The following SETD2 variants were observed in gnomAD, a reference collection of about 807,000 sequenced individuals.
SETD2 encodes histone-lysine N-methyltransferase SETD2.
A neutral mutation model predicts 242.1 loss-of-function variants in SETD2; 31 were observed. That is an observed-to-expected ratio of 0.13 (90% CI 0.10 to 0.17). The LOEUF (loss-of-function observed/expected upper bound fraction) is 0.17, where lower values mean the gene tolerates loss of function less well. SETD2 is among the 10% of genes least tolerant of loss of function. The pLI is 1.00. For synonymous variants in SETD2, 1,006 were observed against 1,066.5 expected (o/e 0.94, Z 1.11); for missense variants, 2,481 against 3,046.3 (o/e 0.81, Z 4.37).
At chr3:47,158,558 TTTC>T (rs1697386407) in intron 1 of SETD2, among the ~76,000 whole-genome samples, 1 of 152,218 alleles carries the variant, frequency 6.6e-6, no homozygotes. Context: ...TCCTTATGAT[TTTC>T]TTAATAACAT....
intron 3 of SETD2, 62 bp downstream of exon 3, chr3:47,120,120 A>G: frequency 1.5e-6 from 2 of 1,311,810 alleles, no homozygotes; most frequent in Non-Finnish European, 2.1e-6. Context: ...AATTGTTTAA[A>G]GGCTTTTTCT....
intron 1 of SETD2, among the ~76,000 whole-genome samples, chr3:47,160,402 G>C (rs570915236): frequency 6.6e-6 from 1 of 151,744 alleles, no homozygotes; most frequent in South Asian, 2.1e-4. Flanking sequence ...CCAGGTTCAA[G>C]CAATTCTCCT....
chr3:47,120,438 C>T lies in SETD2; in HGVS notation c.4198G>A (p.Asp1400Asn), dbSNP rs1325494277. The part of the protein sequence containing the change: ...SKNLEKNDIK[D>N]RGPLKKRRQE... ...CTCCTTTTTTTAAGAGGCCCTCTAT[C>T]TTTGATATCATTTTTTTCTAAGTTT... is the stretch of plus-strand genomic sequence containing the variant. The change falls in exon 3 of 21, where the codon GAT becomes AAT. Residue 1400 changes from aspartate (D) to asparagine (N), a missense_variant. Around this residue, in one of 17 missense-constraint regions of SETD2, gnomAD observed 1,300 missense variants for 1,259.2 expected, o/e 1.03. Transcript: ENST00000409792. 3 of 1,613,242 alleles carry T rather than the reference C, an allele frequency of 1.9e-6. No individual in the cohort carries two copies. The highest frequency in any genetic ancestry group is 4.5e-5 in the East Asian group (2 of 44,886).
intron 12 of SETD2, among the ~76,000 whole-genome samples, chr3:47,075,803 C>T (rs1403321090): frequency 6.6e-6 from 1 of 152,134 alleles, no homozygotes; most frequent in African/African-American, 2.4e-5. Context: ...AACACCACCA[C>T]TTAACTTCAC....
chr3:47,123,292 C>T lies in SETD2; in HGVS notation c.1344G>A (p.Arg448=), dbSNP rs775613201. The change falls in exon 3 of 21, where the codon CGG becomes CGA. Residue 448 remains arginine, a synonymous_variant. Transcript: ENST00000409792. ...SPYRERTRYS[R]PYTDNRARES... ...CTCGTGCTCTGTTATCTGTGTATGGCCGAGAATAGCGCGTCCTCTCTCGAT... is the reference window on the plus strand; with the variant it reads ...CTCGTGCTCTGTTATCTGTGTATGGTCGAGAATAGCGCGTCCTCTCTCGAT... 46 of 1,551,756 alleles carry T rather than the reference C, an allele frequency of 3.0e-5. 1 individual carries two copies. The Admixed American group carries it at 8.4e-4, about 28-fold the overall frequency.
In SETD2 at chr3:47,042,603, C is replaced by G. The variant is rs752671469; in HGVS notation, c.7196G>C (p.Arg2399Pro). 6.2e-7 allele frequency: 1 copy of G among 1,613,992 alleles called. No homozygotes were observed. The highest frequency in any genetic ancestry group is 8.5e-7 in the Non-Finnish European group (1 of 1,179,964). Residue 2399 changes from arginine (R) to proline (P), a missense_variant, in exon 17 of 21, where the codon CGA becomes CCA. Transcript: ENST00000409792. ...IVLPPNWKTA[R>P]DPEGKIYYYH... ...GTAATAAATCTTCCCTTCTGGATCT[C>G]GAGCTGTCTTCCAGTTGGGAGGTAA...
rs377115716 is a variant in SETD2 at position 47,083,908 on chromosome 3, C to T, written c.5872G>A (p.Ala1958Thr). 3.0e-5 allele frequency: 49 copies of T among 1,614,026 alleles called. No individual in the cohort carries two copies. In the African/African-American group the frequency reaches 3.6e-4, roughly 12 times the overall value. Reference sequence around the variant, plus strand: ...TTGCTCTCTTTGGGCTCTATTTCAGCGTCAGCTTCTGGTTCAGATGTAGGT... The same window carrying T: ...TTGCTCTCTTTGGGCTCTATTTCAGTGTCAGCTTCTGGTTCAGATGTAGGT... ...KLPTSEPEAD[A>T]EIEPKESNGT... Residue 1958 changes from alanine to threonine, a missense_variant, in exon 12 of 21, where the codon GCT becomes ACT. Ala to Thr is a moderately conservative substitution (Grantham distance 58, BLOSUM62 0). Transcript: ENST00000409792.
chr3:47,083,659 G>A, intron 12 of SETD2, 61 bp downstream of exon 12: 1 of 1,482,478 alleles, frequency 6.7e-7, no homozygotes, highest in African/African-American at 1.4e-5. Context: ...ATTTTGCTTA[G>A]GTTTGTAGAA....
At chr3:47,096,587 A>T (rs1388132000) in intron 9 of SETD2, among the ~76,000 whole-genome samples, 1 of 41,084 alleles carries the variant, frequency 2.4e-5, no homozygotes, top group Non-Finnish European at 8.1e-5. Flanking sequence ...AAAAAAAAAA[A>T]AAAAAAAAAG....
In SETD2 at chr3:47,062,234, T is replaced by C; in HGVS notation, c.6222A>G (p.Lys2074=). 1 of 1,614,122 alleles carries C rather than the reference T, an allele frequency of 6.2e-7. No individual in the cohort carries two copies. Among genetic ancestry groups the C allele is most frequent in the Non-Finnish European group, 8.5e-7 (1 of 1,180,012 alleles). ...GTGAGAGGGAGCTTCTTCGTTTCCT[T>C]TTCTCTTTATTTTGAGTTTGCTTGT... is the stretch of plus-strand genomic sequence containing the variant. ...DPDKQTQNKE[K]RKRRSSLSPP... Residue 2074 remains lysine, a synonymous_variant, in exon 14 of 21, where the codon AAA becomes AAG. Transcript: ENST00000409792.
rs55972218 is a variant in SETD2 at position 47,022,193 on chromosome 3, TCACACACACACACACA to T, written c.7351-2369_7351-2354del. On this transcript the variant is annotated intron_variant, in intron 18 of 20. Coordinates refer to ENST00000409792, the MANE Select transcript of SETD2 (RefSeq NM_014159.7). ...GCCTGGGAGACAGAGCAACAATCTG[TCACACACACACACACA>T]CACACACACACACACACACACACAA... Among the ~76,000 whole-genome samples, 23 of 131,020 alleles carry T rather than the reference TCACACACACACACACA, an allele frequency of 1.8e-4. 1 individual carries two copies. The highest frequency in any genetic ancestry group is 4.1e-3 in the Middle Eastern group (1 of 246). The allele number at this position is 131,020 out of a possible 152,430, so 86.0% of individuals were successfully genotyped here. A position where few individuals can be genotyped will look rare whatever the true frequency, so the allele number is the denominator to read the frequency against.
intron 13 of SETD2, among the ~76,000 whole-genome samples, chr3:47,066,595 T>C (rs1394314046): frequency 6.6e-6 from 1 of 152,126 alleles, no homozygotes; most frequent in Middle Eastern, 3.2e-3. Context: ...GCAATCCACC[T>C]GCTTCAACTT....
At chr3:47,100,534 G>A (rs753970064) in intron 8 of SETD2, among the ~76,000 whole-genome samples, 9 of 152,020 alleles carry the variant, frequency 5.9e-5, no homozygotes, top group Non-Finnish European at 1.0e-4. Context: ...GATTACAGGC[G>A]TGACCCACTG....
chr3:47,125,652 G>GC (rs923357017), intron 2 of SETD2, among the ~76,000 whole-genome samples: 1 of 152,134 alleles, frequency 6.6e-6, no homozygotes, highest in African/African-American at 2.4e-5. Context: ...CTCTGCCTGG[G>GC]CCCCCCACCC....
chr3:47,116,600 G>GCCGAGTATTCTAATTTACA, intron 4 of SETD2, 23 bp downstream of exon 4: 1 of 1,595,400 alleles, frequency 6.3e-7, no homozygotes, highest in Non-Finnish European at 8.5e-7. Flanking sequence ...TTGAGCAAAA[G>GCCGAGTATTCTAATTTACA]CCGAGTATTC....
At chr3:47,063,534 G>A (rs2040430549) in intron 13 of SETD2, among the ~76,000 whole-genome samples, 1 of 152,032 alleles carries the variant, frequency 6.6e-6, no homozygotes, top group African/African-American at 2.4e-5. Context: ...ATTCAAAGAT[G>A]GTATTAATAA....
intron 15 of SETD2, among the ~76,000 whole-genome samples, chr3:47,051,564 A>G (rs916065357): frequency 6.6e-6 from 1 of 152,168 alleles, no homozygotes; most frequent in Non-Finnish European, 1.5e-5. Flanking sequence ...AGCTCCCCCT[A>G]AGACCCTATT....
At chr3:47,129,905 G>T (rs2043438334) in intron 1 of SETD2, among the ~76,000 whole-genome samples, 1 of 151,074 alleles carries the variant, frequency 6.6e-6, no homozygotes, top group Admixed American at 6.6e-5. Context: ...AAAAAGAAAA[G>T]AAAAAATTGG....
intron 13 of SETD2, among the ~76,000 whole-genome samples, chr3:47,062,945 T>C (rs1286208485): frequency 3.3e-5 from 5 of 151,900 alleles, no homozygotes; most frequent in Non-Finnish European, 7.4e-5. Context: ...CCCCATCTCT[T>C]AAAATTAAAA....
Sources: gnomAD v4.1 joint callset for allele counts (sites outside exome capture counted in the v4.1 genomes callset) on GRCh38, gnomAD v4.1.1 for gene constraint, gnomAD v4.1.1 regional missense constraint, MANE v1.5 for transcripts, NCBI Gene and HGNC (gene_info 2026-07-23, HGNC 2026-07-21) for gene names.